The following SCN2A variants were observed in gnomAD, a reference collection of about 807,000 sequenced individuals.
The protein encoded by SCN2A is sodium channel protein type 2 subunit alpha.
SCN2A carries 20 observed loss-of-function variants against 188.7 expected under a neutral mutation model. The ratio of observed to expected loss-of-function variants is 0.11; its 90% CI spans 0.07 to 0.15. The LOEUF (loss-of-function observed/expected upper bound fraction) is 0.15, where lower values mean the gene tolerates loss of function less well. SCN2A is among the 10% of genes least tolerant of loss of function. The pLI is 1.00. For synonymous variants in SCN2A, 804 were observed against 833.1 expected, an observed-to-expected ratio of 0.97 and a Z score of 0.60; for missense variants, 1,278 against 2,445.0, an observed-to-expected ratio of 0.52 and a Z score of 10.07.
intron 1 of SCN2A, among the ~76,000 whole-genome samples, chr2:165,253,889 A>G (rs1030881304): frequency 6.6e-6 from 1 of 151,990 alleles, no homozygotes; most frequent in African/African-American, 2.4e-5. Flanking sequence ...CAATTATGTC[A>G]TGCCTTTCTT....
intron 1 of SCN2A, among the ~76,000 whole-genome samples, chr2:165,278,338 G>C (rs1559332588): frequency 6.6e-6 from 1 of 152,198 alleles, no homozygotes; most frequent in Non-Finnish European, 1.5e-5. Context: ...TGGCATGACT[G>C]GGGAGGCGTC....
intron 17 of SCN2A, among the ~76,000 whole-genome samples, chr2:165,357,095 T>C (rs998581276): frequency 3.3e-5 from 5 of 152,164 alleles, no homozygotes; most frequent in African/African-American, 1.2e-4. Context: ...TATATCAAAC[T>C]TTCTAGACAT....
intron 16 of SCN2A, among the ~76,000 whole-genome samples, chr2:165,346,802 A>C (rs924031746): frequency 3.3e-5 from 5 of 152,264 alleles, no homozygotes; most frequent in Admixed American, 6.5e-5. Context: ...GACACTTCTC[A>C]AAAGAAGACA....
chr2:165,247,673 T>A (rs1693907570), intron 1 of SCN2A, among the ~76,000 whole-genome samples: 1 of 152,210 alleles, frequency 6.6e-6, no homozygotes, highest in Non-Finnish European at 1.5e-5. Flanking sequence ...CCTGATTCTG[T>A]CCCTGATTTT....
chr2:165,391,377 TA>T lies in SCN2A; in HGVS notation c.*1558del, dbSNP rs1306700287. On this transcript the variant is annotated 3_prime_UTR_variant, in exon 27 of 27. Coordinates refer to ENST00000375437, the MANE Select transcript of SCN2A (RefSeq NM_001040142.2). ...GTTTTCTAAGAAAATATAAATACTG[TA>T]AAAAGTTCATTTTATTTTATTTTTC... 1 of 152,594 alleles carries T rather than the reference TA, an allele frequency of 6.6e-6. No homozygotes were observed. Among genetic ancestry groups the T allele is most frequent in the Non-Finnish European group, 1.5e-5 (1 of 68,000 alleles). The allele number at this position is 152,594 out of a possible 1,614,324, so 9.5% of individuals were successfully genotyped here.
At chr2:165,379,191 T>C (rs1490120370) in intron 23 of SCN2A, among the ~76,000 whole-genome samples, 1 of 151,670 alleles carries the variant, frequency 6.6e-6, no homozygotes, top group Non-Finnish European at 1.5e-5. Context: ...TGCAAAAAAC[T>C]GGGAGCAACT....
At chr2:165,264,799 C>G (rs1343888290) in intron 1 of SCN2A, among the ~76,000 whole-genome samples, 1 of 152,100 alleles carries the variant, frequency 6.6e-6, no homozygotes. Flanking sequence ...GACATGATCT[C>G]ATTCTTTTTT....
At chr2:165,379,441 G>C (rs2105382363) in intron 23 of SCN2A, among the ~76,000 whole-genome samples, 1 of 151,820 alleles carries the variant, frequency 6.6e-6, no homozygotes, top group Non-Finnish European at 1.5e-5. Flanking sequence ...TACCATAAAA[G>C]TCAGGATAAT....
At position 165,303,270 on chromosome 2, in the gene SCN2A, G is replaced by GTTTTTTTTTTTTTTTTTTTTTTTTTT. The variant is rs71028477; in HGVS notation, c.387-4555_387-4554insTTTTTTTTTTTTTTTTTTTTTTTTTT. 6.6e-5 allele frequency among the ~76,000 whole-genome samples: 6 copies of GTTTTTTTTTTTTTTTTTTTTTTTTTT among 91,312 alleles called. 1 individual carries two copies. The highest frequency in any genetic ancestry group is 1.2e-4 in the African/African-American group (3 of 24,706). 59.9% of individuals were successfully genotyped at this position (91,312 alleles called of 152,430 possible). On this transcript the variant is annotated intron_variant, in intron 3 of 26. Transcript: ENST00000375437. Reference sequence around the variant, plus strand: ...TTGTATTTGAGTTTTTGTTATTTGAGTTTTTTTTTTTTTTTTTTTTTTTGA... The same window carrying GTTTTTTTTTTTTTTTTTTTTTTTTTT: ...TTGTATTTGAGTTTTTGTTATTTGAGTTTTTTTTTTTTTTTTTTTTTTTTTTTTTTTTTTTTTTTTTTTTTTTTTGA...
chr2:165,281,041 G>A (rs981238755), intron 1 of SCN2A, among the ~76,000 whole-genome samples: 8 of 152,140 alleles, frequency 5.3e-5, no homozygotes, highest in African/African-American at 1.9e-4. Flanking sequence ...GGCCAACATA[G>A]CAAGACCCTC....
intron 8 of SCN2A, among the ~76,000 whole-genome samples, chr2:165,312,996 T>C (rs1370183776): frequency 6.6e-6 from 1 of 152,152 alleles, no homozygotes; most frequent in African/African-American, 2.4e-5. Context: ...CTAAATGCGT[T>C]ACATACAGTA....
At chr2:165,277,250 A>T (rs1695389683) in intron 1 of SCN2A, among the ~76,000 whole-genome samples, 1 of 152,192 alleles carries the variant, frequency 6.6e-6, no homozygotes. Context: ...TTTCATATTT[A>T]AAAATACTCA....
intron 25 of SCN2A, 49 bp from the exon 26 acceptor site, chr2:165,386,697 G>A (rs986822000): frequency 2.9e-5 from 46 of 1,562,900 alleles, no homozygotes; most frequent in South Asian, 3.4e-5. Flanking sequence ...AATTGAATTC[G>A]ATTTTTTTTA....
intron 23 of SCN2A, among the ~76,000 whole-genome samples, chr2:165,379,360 G>A (rs1701483008): frequency 6.6e-6 from 1 of 151,606 alleles, no homozygotes; most frequent in African/African-American, 2.4e-5. Flanking sequence ...GTTCGAAATT[G>A]ACAAAACTAA....
At chr2:165,268,835 G>A (rs1358164751) in intron 1 of SCN2A, 1 of 151,836 alleles carries the variant, frequency 6.6e-6, no homozygotes, top group East Asian at 1.9e-4. Flanking sequence ...TCTGTCACTT[G>A]TGACAACATG....
At chr2:165,279,124 G>T (rs1265651648) in intron 1 of SCN2A, among the ~76,000 whole-genome samples, 3 of 152,126 alleles carry the variant, frequency 2.0e-5, no homozygotes, top group African/African-American at 4.8e-5. Context: ...CTAAATGGCA[G>T]AACTGGATTT....
At chr2:165,273,823 A>G (rs1695206945) in intron 1 of SCN2A, 1 of 152,154 alleles carries the variant, frequency 6.6e-6, no homozygotes, top group African/African-American at 2.4e-5. Context: ...GTCACTCATG[A>G]GTGTCAGCCT....
At chr2:165,272,871 C>T (rs1695165665) in intron 1 of SCN2A, 1 of 151,728 alleles carries the variant, frequency 6.6e-6, no homozygotes. Flanking sequence ...GTGTTCATGC[C>T]TTTAACCATT....
intron 25 of SCN2A, 57 bp from the exon 26 acceptor site, chr2:165,386,689 T>C: frequency 1.3e-6 from 2 of 1,533,626 alleles, no homozygotes; most frequent in Non-Finnish European, 1.8e-6. Flanking sequence ...ATCAGAAGAA[T>C]TGAATTCGAT....
Sources: allele counts gnomAD v4.1 joint callset (sites outside exome capture counted in the v4.1 genomes callset), GRCh38; gene constraint gnomAD v4.1.1; transcripts MANE v1.5; gene names NCBI Gene and HGNC (gene_info 2026-07-23, HGNC 2026-07-21).